Variants in CCDC30 observed in about 807,000 individuals in gnomAD.
CCDC30 encodes the protein coiled-coil domain containing 30, also known as coiled-coil domain-containing protein 30.
CCDC30 carries 70 observed loss-of-function variants against 100.2 expected under a neutral mutation model. The observed-to-expected ratio is 0.70, with a 90% CI of 0.58 to 0.85. CCDC30 has a LOEUF of 0.85. CCDC30 is among the 40% of genes least tolerant of loss of function. The pLI, the probability that CCDC30 is intolerant of heterozygous loss-of-function variation, is 0.00. For synonymous variants in CCDC30, 233 were observed against 269.5 expected (o/e 0.86, Z 1.33); for missense variants, 652 against 771.2 (o/e 0.85, Z 1.83).
rs1020814470 is a variant in CCDC30 at position 42,638,255 on chromosome 1, A to G, written c.1419+877A>G. Among the ~76,000 whole-genome samples, 14 of 151,468 alleles carry G rather than the reference A, an allele frequency of 9.2e-5. No homozygotes were observed. In the East Asian group the frequency reaches 2.8e-3, roughly 30 times the overall value. On this transcript the variant is annotated intron_variant, in intron 12 of 16. Transcript: ENST00000668663. Reference sequence around the variant, plus strand: ...TGTAATTCCAGCACTTTGGGAGGCCAAGGCAGGAGGATTGCTTGAGGCCAG... The same window carrying G: ...TGTAATTCCAGCACTTTGGGAGGCCGAGGCAGGAGGATTGCTTGAGGCCAG...
At chr1:42,544,081 C>T (rs999823224) in intron 6 of CCDC30, among the ~76,000 whole-genome samples, 14 of 152,016 alleles carry the variant, frequency 9.2e-5, no homozygotes, top group African/African-American at 2.9e-4. Context: ...GGTACAGACA[C>T]GGGGTCTTGC....
At chr1:42,636,965 CAAA>C (rs1166253995) in intron 11 of CCDC30, among the ~76,000 whole-genome samples, 16 of 29,518 alleles carry the variant, frequency 5.4e-4, no homozygotes, top group African/African-American at 1.4e-3. Flanking sequence ...GACTCCATCT[CAAA>C]AAAAAAAAAA....
rs1238803019 is a variant in CCDC30, at chr1:42,500,087, C to T, written c.456+1171C>T. 4 of 946,348 alleles carry T rather than the reference C, an allele frequency of 4.2e-6. No homozygotes were observed. The East Asian group carries it at 1.0e-4, about 25-fold the overall frequency. 58.6% of individuals were successfully genotyped at this position (946,348 alleles called of 1,614,324 possible). A position where few individuals can be genotyped will look rare whatever the true frequency, so the allele number is the denominator to read the frequency against. On this transcript the variant is annotated intron_variant, in intron 6 of 16. Coordinates refer to ENST00000668663, the Ensembl canonical transcript of CCDC30. Reference sequence around the variant, plus strand: ...GTTCTTTGATGTGAAAGGGGCAGCACAGTCATTTAAACTTGATCCAACCTC... The same window carrying T: ...GTTCTTTGATGTGAAAGGGGCAGCATAGTCATTTAAACTTGATCCAACCTC...
At position 42,533,564 on chromosome 1, in the gene CCDC30, C is replaced by G. The variant is rs186231881; in HGVS notation, c.457-32732C>G. On this transcript the variant is annotated intron_variant, in intron 6 of 16. Transcript: ENST00000668663. ...GCTCATTTTCTACACCATAACAACTCTTGGGGCAACTTACAGAGGAGATTT... is the reference window on the plus strand; with the variant it reads ...GCTCATTTTCTACACCATAACAACTGTTGGGGCAACTTACAGAGGAGATTT... Among the ~76,000 whole-genome samples the G allele has an allele frequency of 7.2e-5, 11 of 152,322 alleles. No homozygotes were observed. In the East Asian group the frequency reaches 2.1e-3, roughly 29 times the overall value.
chr1:42,468,312 A>C (rs1352604534), intron 1 of CCDC30, among the ~76,000 whole-genome samples: 1 of 152,244 alleles, frequency 6.6e-6, no homozygotes, highest in Non-Finnish European at 1.5e-5. Context: ...CATCCATGGC[A>C]TGTGGTTTCC....
chr1:42,656,397 G>A (rs139058362), downstream of CCDC30, among the ~76,000 whole-genome samples: 514 of 152,270 alleles, frequency 3.4e-3, 4 homozygotes, highest in Non-Finnish European at 5.8e-3. Flanking sequence ...TTGGGAGGCC[G>A]AGGCAGGTGG....
chr1:42,631,558 C>T (rs1647037953), intron 11 of CCDC30, among the ~76,000 whole-genome samples: 1 of 152,310 alleles, frequency 6.6e-6, no homozygotes, highest in South Asian at 2.1e-4. Context: ...TCCTTCCTTT[C>T]AGGGCAGCGA....
At chr1:42,459,918 A>G, upstream of CCDC30, 2 of 1,604,328 alleles carry the variant, frequency 1.2e-6, no homozygotes, top group Non-Finnish European at 1.7e-6. Context: ...TATAGGTGAC[A>G]GAAACTGAAG....
intron 6 of CCDC30, among the ~76,000 whole-genome samples, chr1:42,504,142 T>A (rs1352355635): frequency 2.6e-5 from 4 of 152,246 alleles, no homozygotes; most frequent in Non-Finnish European, 4.4e-5. Context: ...AGCAGGAGCA[T>A]GTCCTTAAGG....
the CCDC30 span, chr1:42,456,456 G>T: frequency 8.7e-7 from 1 of 1,155,524 alleles, no homozygotes; most frequent in Non-Finnish European, 1.2e-6. Context: ...GTCAAAAGAA[G>T]GGTAGTGAAC....
chr1:42,574,662 A>G (rs1001659956), intron 7 of CCDC30, among the ~76,000 whole-genome samples: 1 of 152,188 alleles, frequency 6.6e-6, no homozygotes, highest in Admixed American at 6.5e-5. Context: ...TAAATATAGT[A>G]TAGAGTACTG....
chr1:42,482,805 A>G (rs913957548), exon 3 of CCDC30: 1 of 1,234,044 alleles, frequency 8.1e-7, no homozygotes, highest in Non-Finnish European at 1.0e-6. Flanking sequence ...GAGAAGGAAC[A>G]ATGTAAATTA....
intron 10 of CCDC30, among the ~76,000 whole-genome samples, chr1:42,605,648 T>TATC (rs1481504050): frequency 1.3e-5 from 2 of 151,858 alleles, no homozygotes; most frequent in Non-Finnish European, 2.9e-5. Flanking sequence ...CTGGCTATTT[T>TATC]ATTATTATTA....
chr1:42,456,511 G>A, the CCDC30 span: 1 of 1,431,168 alleles, frequency 7.0e-7, no homozygotes, highest in South Asian at 1.5e-5. Flanking sequence ...TAGGCGAGAA[G>A]GGGCGTGGCG....
At chr1:42,474,983 A>G (rs1643866977) in intron 1 of CCDC30, among the ~76,000 whole-genome samples, 1 of 152,250 alleles carries the variant, frequency 6.6e-6, no homozygotes, top group African/African-American at 2.4e-5. Flanking sequence ...TCAGCATAGC[A>G]GTATAAACCT....
chr1:42,536,646 T>C, intron 6 of CCDC30, 45 bp downstream of exon 7: 1 of 1,346,592 alleles, frequency 7.4e-7, no homozygotes, highest in Non-Finnish European at 1.1e-6. Context: ...GTAGTTCTAA[T>C]TTAGGGATTT....
the CCDC30 span, chr1:42,457,431 TTCTGCATCTGTA>T: frequency 8.1e-7 from 1 of 1,230,936 alleles, no homozygotes; most frequent in Non-Finnish European, 1.2e-6. Context: ...GAGATGGCCT[TTCTGCATCTGTA>T]TTCGCTAGGC....
At chr1:42,491,686 GCATTGCATGCCTGTAT>G in intron 4 of CCDC30, 1 of 180,148 alleles carries the variant, frequency 5.6e-6, no homozygotes, top group Non-Finnish European at 1.2e-5. Flanking sequence ...TGATTATTAC[GCATTGCATGCCTGTAT>G]CAAAACATGT....
chr1:42,473,859 A>G (rs964982427), intron 1 of CCDC30, among the ~76,000 whole-genome samples: 3 of 152,198 alleles, frequency 2.0e-5, no homozygotes, highest in Non-Finnish European at 4.4e-5. Context: ...TTTTTATAGC[A>G]TTGGCTGAGA....
Sources: allele counts gnomAD v4.1 joint callset (sites outside exome capture counted in the v4.1 genomes callset), GRCh38; gene constraint gnomAD v4.1.1; transcripts MANE v1.5; gene names NCBI Gene and HGNC (gene_info 2026-07-23, HGNC 2026-07-21).